The following EFCAB6 variants were observed in gnomAD, a reference collection of about 807,000 sequenced individuals.
EFCAB6 encodes EF-hand calcium-binding domain-containing protein 6.
Under a neutral mutation model 169.8 loss-of-function variants are expected in EFCAB6, and 156 were observed. The ratio of observed to expected loss-of-function variants is 0.92; its 90% CI spans 0.81 to 1.05. The LOEUF (loss-of-function observed/expected upper bound fraction) is 1.05, where lower values mean the gene tolerates loss of function less well. EFCAB6 is among the 50% of genes least tolerant of loss of function. The pLI, the probability that EFCAB6 is intolerant of heterozygous loss-of-function variation, is 0.00. For synonymous variants in EFCAB6, 698 were observed against 676.4 expected, an observed-to-expected ratio of 1.03 and a Z score of -0.50; for missense variants, 1,800 against 1,829.1, an observed-to-expected ratio of 0.98 and a Z score of 0.29.
At chr22:43,668,131 C>T (rs1053881872) in intron 16 of EFCAB6, among the ~76,000 whole-genome samples, 1 of 152,196 alleles carries the variant, frequency 6.6e-6, no homozygotes, top group African/African-American at 2.4e-5. Flanking sequence ...GCTGCTACTA[C>T]TGAAAAGCCC....
chr22:43,798,660 T>C (rs2062596557), intron 2 of EFCAB6, among the ~76,000 whole-genome samples: 1 of 152,218 alleles, frequency 6.6e-6, no homozygotes, highest in African/African-American at 2.4e-5. Flanking sequence ...ACATCATCAC[T>C]ACGTCTCCAG....
chr22:43,592,319 C>T (rs920719989), intron 23 of EFCAB6, among the ~76,000 whole-genome samples: 1 of 152,208 alleles, frequency 6.6e-6, no homozygotes, highest in Non-Finnish European at 1.5e-5. Context: ...TGTATCCCAA[C>T]AGCAGCATTT....
chr22:43,530,573 T>C (rs1336238287), intron 31 of EFCAB6: 1 of 985,322 alleles, frequency 1.0e-6, no homozygotes, highest in East Asian at 1.1e-4. Flanking sequence ...GAGCTGGCGA[T>C]GCAGGTATGG....
At chr22:43,784,571 GTACATATACACATATATATGTA>G (rs1396707229) in intron 2 of EFCAB6, among the ~76,000 whole-genome samples, 1,071 of 62,626 alleles carry the variant, frequency 0.017, 57 homozygotes, top group African/African-American at 0.058. Flanking sequence ...ATATATATGT[GTACATATACACATATATATGTA>G]TATATACACA....
At chr22:43,603,312 T>C (rs1346624989) in intron 22 of EFCAB6, among the ~76,000 whole-genome samples, 2 of 152,234 alleles carry the variant, frequency 1.3e-5, no homozygotes, top group Non-Finnish European at 2.9e-5. Flanking sequence ...TTACATAACC[T>C]CACCCTTCAT....
intron 30 of EFCAB6, 70 bp from the exon 31 acceptor site, chr22:43,531,034 C>A: frequency 6.3e-7 from 1 of 1,590,504 alleles, no homozygotes; most frequent in Non-Finnish European, 8.6e-7. Flanking sequence ...CTCCTCCTCG[C>A]CTCGCCCCCG....
intron 27 of EFCAB6, among the ~76,000 whole-genome samples, chr22:43,544,078 C>T (rs1383973342): frequency 1.3e-5 from 2 of 152,004 alleles, no homozygotes; most frequent in East Asian, 3.9e-4. Flanking sequence ...CACTCCACTC[C>T]TCCCTCCCCA....
intron 24 of EFCAB6, among the ~76,000 whole-genome samples, chr22:43,583,932 A>T (rs1197575694): frequency 6.6e-6 from 1 of 152,200 alleles, no homozygotes; most frequent in Non-Finnish European, 1.5e-5. Context: ...GTAATCTACA[A>T]GAGAATCTAT....
chr22:43,546,337 C>CA (rs752787487), intron 27 of EFCAB6, among the ~76,000 whole-genome samples: 23 of 152,280 alleles, frequency 1.5e-4, no homozygotes, highest in Non-Finnish European at 2.8e-4. Flanking sequence ...CAGTCCTTGT[C>CA]AAACCTAAGC....
chr22:43,571,227 T>C (rs1452950997), intron 26 of EFCAB6, among the ~76,000 whole-genome samples: 2 of 152,190 alleles, frequency 1.3e-5, no homozygotes, highest in African/African-American at 4.8e-5. Flanking sequence ...ATCTTTACTC[T>C]CTGTGTGCTT....
chr22:43,711,713 A>G (rs2059167101), intron 9 of EFCAB6, 90 bp from the exon 10 acceptor site: 5 of 1,474,924 alleles, frequency 3.4e-6, no homozygotes, highest in Non-Finnish European at 4.5e-6. Flanking sequence ...AAACCTCTTC[A>G]AATTTTTCTC....
At chr22:43,589,743 G>A (rs371333884) in intron 24 of EFCAB6, among the ~76,000 whole-genome samples, 1 of 152,060 alleles carries the variant, frequency 6.6e-6, no homozygotes, top group South Asian at 2.1e-4. Flanking sequence ...AGCTGAGATC[G>A]CACCACTGCA....
At chr22:43,742,653 C>T (rs1219853877) in intron 6 of EFCAB6, among the ~76,000 whole-genome samples, 1 of 152,244 alleles carries the variant, frequency 6.6e-6, no homozygotes, top group South Asian at 2.1e-4. Flanking sequence ...TGGCCAGAGA[C>T]CTGGTCCCAG....
chr22:43,528,972 G>T lies in EFCAB6; in HGVS notation c.4387C>A (p.Leu1463Met). ...GAGAGGTTGATGCTGTACTGTCTCA[G>T]GACCTGGAAGACAGAGAAAAGGGGC... ...LLSVADFRTV[L>M]RQYSINLSEE... is the part of the protein sequence containing the mutation. Residue 1463 changes from leucine to methionine, a missense_variant, in exon 32 of 32, where the codon CTG (leucine) becomes ATG (methionine). Transcript: ENST00000262726. 6.3e-7 allele frequency: 1 copy of T among 1,576,886 alleles called. No homozygotes were observed. Among genetic ancestry groups the T allele is most frequent in the Non-Finnish European group, 8.7e-7 (1 of 1,150,760 alleles).
At chr22:43,544,449 A>G (rs1406379126) in intron 27 of EFCAB6, among the ~76,000 whole-genome samples, 1 of 152,102 alleles carries the variant, frequency 6.6e-6, no homozygotes, top group Non-Finnish European at 1.5e-5. Context: ...AGCAGACACA[A>G]CAGACACAAC....
intron 17 of EFCAB6, 79 bp downstream of exon 17, chr22:43,667,025 T>C (rs577212591): frequency 1.3e-6 from 2 of 1,490,278 alleles, no homozygotes; most frequent in African/African-American, 1.4e-5. Flanking sequence ...GGATAAGCCA[T>C]TGTCCTTTAA....
chr22:43,603,716 G>T (rs1016098418), intron 22 of EFCAB6, among the ~76,000 whole-genome samples: 8 of 152,268 alleles, frequency 5.3e-5, no homozygotes, highest in Non-Finnish European at 1.2e-4. Flanking sequence ...CCTAGGCCAG[G>T]CAGCAGAGGC....
chr22:43,540,458 T>A, intron 27 of EFCAB6, 101 bp from the exon 28 acceptor site: 1 of 1,586,662 alleles, frequency 6.3e-7, no homozygotes, highest in Non-Finnish European at 8.5e-7. Flanking sequence ...TCGCAGGAGG[T>A]GAGCACTCAC....
chr22:43,540,675 C>A lies in EFCAB6; in HGVS notation c.3649-318G>T, dbSNP rs1007048559. ...CACAGTGCCTGAGCTGCAGTGTATT[C>A]GAACATTTGGGAGAAAATGCAAATC... On this transcript the variant is annotated intron_variant, in intron 27 of 31. Transcript: ENST00000262726. 9.6e-6 allele frequency: 8 copies of A among 830,762 alleles called. No individual in the cohort carries two copies. The African/African-American group carries it at 1.2e-4, about 13-fold the overall frequency. 51.5% of individuals were successfully genotyped at this position (830,762 alleles called of 1,614,324 possible).
Sources: gnomAD v4.1 joint callset for allele counts (sites outside exome capture counted in the v4.1 genomes callset) on GRCh38, gnomAD v4.1.1 for gene constraint, MANE v1.5 for transcripts, NCBI Gene and HGNC (gene_info 2026-07-23, HGNC 2026-07-21) for gene names.